PIK3C2G: variants seen among roughly 807,000 people sequenced by gnomAD.
The protein encoded by PIK3C2G is phosphatidylinositol-4-phosphate 3-kinase catalytic subunit type 2 gamma, also known as phosphatidylinositol 3-kinase C2 domain-containing subunit gamma.
A neutral mutation model predicts 181.1 loss-of-function variants in PIK3C2G; 168 were observed. The observed-to-expected ratio is 0.93, with a 90% confidence interval of 0.82 to 1.05. PIK3C2G has a LOEUF of 1.05. Among genes scored for constraint, PIK3C2G ranks in the 50% least tolerant of loss-of-function variants. The probability of loss-of-function intolerance (pLI) is 0.00; values close to 1 mark genes in which losing one functional copy is unlikely to be tolerated. For missense variants in PIK3C2G, 1,869 were observed against 1,732.8 expected (o/e 1.08, Z -1.40); for synonymous variants, 573 against 592.2 (o/e 0.97, Z 0.47).
At chr12:18,313,399 A>G (rs930132170) in intron 5 of PIK3C2G, among the ~76,000 whole-genome samples, 7 of 152,018 alleles carry the variant, frequency 4.6e-5, no homozygotes, top group Non-Finnish European at 8.8e-5. Flanking sequence ...TACTATTCCA[A>G]CTCTAAAAGA....
intron 18 of PIK3C2G, among the ~76,000 whole-genome samples, chr12:18,429,958 C>T (rs956054050): frequency 6.6e-6 from 1 of 152,162 alleles, no homozygotes; most frequent in Non-Finnish European, 1.5e-5. Flanking sequence ...ATATAATTTA[C>T]ATTCCAGAGC....
chr12:18,275,998 C>T (rs553649562), intron 1 of PIK3C2G, among the ~76,000 whole-genome samples: 2 of 152,130 alleles, frequency 1.3e-5, no homozygotes, highest in African/African-American at 4.8e-5. Context: ...TAAAAGAACA[C>T]TCAGTAAAAC....
At chr12:18,550,611 A>C (rs1215697964) in intron 26 of PIK3C2G, among the ~76,000 whole-genome samples, 4 of 152,060 alleles carry the variant, frequency 2.6e-5, no homozygotes, top group African/African-American at 9.7e-5. Flanking sequence ...ATAATTGATA[A>C]AAGTATATTA....
chr12:18,651,627 A>G (rs1439590367), downstream of PIK3C2G, among the ~76,000 whole-genome samples: 1 of 152,088 alleles, frequency 6.6e-6, no homozygotes, highest in Non-Finnish European at 1.5e-5. Context: ...CCCTCATTCT[A>G]GACCACAGTC....
intron 18 of PIK3C2G, among the ~76,000 whole-genome samples, chr12:18,441,479 C>T (rs539165988): frequency 1.1e-4 from 17 of 151,992 alleles, no homozygotes; most frequent in East Asian, 1.9e-4. Context: ...ATTGATGAGA[C>T]GGAAGAAAGA....
intron 30 of PIK3C2G, among the ~76,000 whole-genome samples, chr12:18,599,863 T>A (rs567294293): frequency 6.6e-6 from 1 of 151,916 alleles, no homozygotes; most frequent in East Asian, 1.9e-4. Flanking sequence ...ATAAGAGAAT[T>A]TTATAATGAG....
intron 19 of PIK3C2G, among the ~76,000 whole-genome samples, 200 bp downstream of exon 19, chr12:18,488,829 G>C (rs1940295677): frequency 1.3e-5 from 2 of 151,738 alleles, no homozygotes; most frequent in African/African-American, 4.8e-5. Context: ...ATGGTTTTTT[G>C]ACCTAAATAG....
At chr12:18,438,411 G>A (rs1465783648) in intron 18 of PIK3C2G, among the ~76,000 whole-genome samples, 1 of 151,840 alleles carries the variant, frequency 6.6e-6, no homozygotes, top group Non-Finnish European at 1.5e-5. Flanking sequence ...AGAGAGTGTT[G>A]CTAAGAATTC....
intron 18 of PIK3C2G, among the ~76,000 whole-genome samples, chr12:18,452,362 G>T (rs1029894683): frequency 2.0e-5 from 3 of 152,030 alleles, no homozygotes; most frequent in African/African-American, 7.2e-5. Flanking sequence ...TTGCATAGAG[G>T]TGTTTATAGT....
chr12:18,638,019 A>G (rs910896650), intron 31 of PIK3C2G, among the ~76,000 whole-genome samples: 1 of 152,064 alleles, frequency 6.6e-6, no homozygotes, highest in Non-Finnish European at 1.5e-5. Context: ...TTCTACCATT[A>G]TTTCACACCC....
At chr12:18,678,583 T>G in the PIK3C2G span, among the ~76,000 whole-genome samples, 1 of 152,062 alleles carries the variant, frequency 6.6e-6, no homozygotes, top group Non-Finnish European at 1.5e-5. Context: ...TTTGTTCTTT[T>G]GAATAAATGG....
chr12:18,718,623 C>T, the PIK3C2G span, among the ~76,000 whole-genome samples: 3 of 152,124 alleles, frequency 2.0e-5, no homozygotes, highest in African/African-American at 4.8e-5. Flanking sequence ...TATCATCACT[C>T]ATGCCACAAC....
chr12:18,322,452 T>A (rs1445003183), intron 7 of PIK3C2G, among the ~76,000 whole-genome samples: 1 of 151,662 alleles, frequency 6.6e-6, no homozygotes, highest in African/African-American at 2.4e-5. Context: ...AATAAAAATG[T>A]GAGCTAAAAT....
At chr12:18,512,653 T>G (rs1415370617) in intron 24 of PIK3C2G, among the ~76,000 whole-genome samples, 1 of 151,986 alleles carries the variant, frequency 6.6e-6, no homozygotes, top group Non-Finnish European at 1.5e-5. Context: ...TTTTGTGTCT[T>G]GCAACTTTAG....
chr12:18,292,227 A>AAAAAATATATATAT, intron 4 of PIK3C2G, among the ~76,000 whole-genome samples: 2 of 48,730 alleles, frequency 4.1e-5, no homozygotes, highest in African/African-American at 1.1e-4. Flanking sequence ...AAAAAAAAAA[A>AAAAAATATATATAT]ATATATATAT....
chr12:18,706,073 A>G, the PIK3C2G span, among the ~76,000 whole-genome samples: 7 of 151,854 alleles, frequency 4.6e-5, no homozygotes, highest in African/African-American at 1.7e-4. Context: ...CTAAAAATGC[A>G]AAAAAGAAAA....
the PIK3C2G span, among the ~76,000 whole-genome samples, chr12:18,703,786 A>C: frequency 1.3e-5 from 2 of 152,192 alleles, no homozygotes; most frequent in African/African-American, 4.8e-5. Context: ...TGTGTGTCCC[A>C]GAAAGCTACC....
chr12:18,325,549 A>G (rs1297602894), intron 8 of PIK3C2G, among the ~76,000 whole-genome samples: 6 of 152,002 alleles, frequency 3.9e-5, no homozygotes, highest in African/African-American at 1.4e-4. Context: ...TCTACTAAAA[A>G]ATACAAAAAT....
Position 18,371,263 on chromosome 12 carries a change from A to G in PIK3C2G, c.1832A>G (p.Asn611Ser), listed in dbSNP as rs1453589715. 6.2e-7 allele frequency: 1 copy of G among 1,612,484 alleles called. No individual in the cohort carries two copies. Among genetic ancestry groups the G allele is most frequent in the African/African-American group, 1.3e-5 (1 of 74,922 alleles). ...CTGTTTGGGATTGCCTGTGCAACCAACAATGCAAATTTACTGGCGTGGACT... is the reference window on the plus strand; with the variant it reads ...CTGTTTGGGATTGCCTGTGCAACCAGCAATGCAAATTTACTGGCGTGGACT... Reference protein sequence around the residue: ...VKLFGIACATNNANLLAWTCL... With the variant: ...VKLFGIACATSNANLLAWTCL... The change falls in exon 13 of 33, where the codon AAC becomes AGC. Residue 611 changes from asparagine to serine, a missense_variant. Asn to Ser is a conservative substitution (Grantham distance 46). Transcript: ENST00000538779.
Sources: gnomAD v4.1 joint callset for allele counts (sites outside exome capture counted in the v4.1 genomes callset) on GRCh38, gnomAD v4.1.1 for gene constraint, MANE v1.5 for transcripts, NCBI Gene and HGNC (gene_info 2026-07-23, HGNC 2026-07-21) for gene names.